PHTF2: variants seen among roughly 807,000 people sequenced by gnomAD.
PHTF2 encodes protein PHTF2.
In PHTF2, 60 loss-of-function variants were observed where a neutral mutation model predicts 101.2. The ratio of observed to expected loss-of-function variants is 0.59; its 90% CI spans 0.48 to 0.73. The LOEUF (loss-of-function observed/expected upper bound fraction) is 0.73, where lower values mean the gene tolerates loss of function less well. Among genes scored for constraint, PHTF2 ranks in the 30% least tolerant of loss-of-function variants. The pLI is 0.00. For missense variants in PHTF2, 747 were observed against 908.7 expected, an observed-to-expected ratio of 0.82 and a Z score of 2.29; for synonymous variants, 311 against 307.3, an observed-to-expected ratio of 1.01 and a Z score of -0.13.
intron 3 of PHTF2, among the ~76,000 whole-genome samples, chr7:77,863,797 T>G (rs1309360457): frequency 1.3e-5 from 2 of 151,480 alleles, no homozygotes; most frequent in African/African-American, 2.4e-5. Flanking sequence ...GTTTTTTTTT[T>G]TTTTTGGAAG....
intron 1 of PHTF2, among the ~76,000 whole-genome samples, chr7:77,803,370 T>A (rs915052947): frequency 6.6e-6 from 1 of 152,200 alleles, no homozygotes; most frequent in Non-Finnish European, 1.5e-5. Context: ...GTTGCATGAA[T>A]GAAAGTACTT....
At position 77,954,842 on chromosome 7, in the gene PHTF2, A is replaced by T. The variant is rs1419091926; in HGVS notation, c.2338-16A>T. Reference sequence around the variant, plus strand: ...TTAAAACTGGCTTGTCACCACTTCTATTTTTTTTTTTCTAGCTATGGAAGA... The same window carrying T: ...TTAAAACTGGCTTGTCACCACTTCTTTTTTTTTTTTTCTAGCTATGGAAGA... On this transcript the variant is annotated splice_polypyrimidine_tract_variant and intron_variant, in intron 19 of 19. Coordinates refer to ENST00000416283, the Ensembl canonical transcript of PHTF2. 46 of 1,214,414 alleles carry T rather than the reference A, an allele frequency of 3.8e-5. No homozygotes were observed. Among genetic ancestry groups the T allele is most frequent in the Non-Finnish European group, 4.7e-5 (41 of 872,710 alleles). 75.2% of individuals were successfully genotyped at this position (1,214,414 alleles called of 1,614,324 possible).
intron 7 of PHTF2, among the ~76,000 whole-genome samples, chr7:77,905,395 AT>A (rs1230045404): frequency 6.6e-6 from 1 of 151,636 alleles, no homozygotes; most frequent in Non-Finnish European, 1.5e-5. Flanking sequence ...CCAGCTAATT[AT>A]TTTTATTTTT....
chr7:77,803,970 A>G (rs1419049685), intron 1 of PHTF2, among the ~76,000 whole-genome samples: 2 of 152,194 alleles, frequency 1.3e-5, no homozygotes, highest in Non-Finnish European at 2.9e-5. Context: ...TGGAAATGAC[A>G]ATGAAAAAAA....
In PHTF2 at chr7:77,954,842, A is replaced by AT. The variant is rs59882937; in HGVS notation, c.2338-5dup. On this transcript the variant is annotated splice_polypyrimidine_tract_variant and intron_variant, in intron 19 of 19. Transcript: ENST00000416283. Reference sequence around the variant, plus strand: ...TTAAAACTGGCTTGTCACCACTTCTATTTTTTTTTTTCTAGCTATGGAAGA... The same window carrying AT: ...TTAAAACTGGCTTGTCACCACTTCTATTTTTTTTTTTTCTAGCTATGGAAGA... 0.13 allele frequency: 144,389 copies of AT among 1,117,348 alleles called. 2,578 individuals are homozygous for AT. Among genetic ancestry groups the AT allele is most frequent in the African/African-American group, 0.26 (16,180 of 62,970 alleles). 69.2% of individuals were successfully genotyped at this position (1,117,348 alleles called of 1,614,324 possible).
At chr7:77,833,078 A>G (rs1562854877) in intron 1 of PHTF2, among the ~76,000 whole-genome samples, 1 of 152,210 alleles carries the variant, frequency 6.6e-6, no homozygotes, top group Non-Finnish European at 1.5e-5. Flanking sequence ...TACTGCAGTA[A>G]CTGAAATGTG....
At chr7:77,806,213 A>G (rs948465036) in intron 1 of PHTF2, among the ~76,000 whole-genome samples, 2 of 150,990 alleles carry the variant, frequency 1.3e-5, no homozygotes, top group African/African-American at 4.9e-5. Context: ...TTGTTCTTCT[A>G]TATATCCTTG....
At chr7:77,933,710 T>A (rs1804820447) in intron 12 of PHTF2, among the ~76,000 whole-genome samples, 1 of 139,678 alleles carries the variant, frequency 7.2e-6, no homozygotes, top group Admixed American at 6.9e-5. Flanking sequence ...AGGGACCATG[T>A]GTTTTTTTTT....
intron 3 of PHTF2, among the ~76,000 whole-genome samples, chr7:77,855,647 A>G (rs949182175): frequency 6.6e-6 from 1 of 152,136 alleles, no homozygotes; most frequent in Admixed American, 6.5e-5. Context: ...GCCGGAACGC[A>G]GTTTCTGACT....
chr7:77,830,580 A>G (rs575329675), intron 1 of PHTF2, among the ~76,000 whole-genome samples: 8 of 151,796 alleles, frequency 5.3e-5, no homozygotes, highest in African/African-American at 1.7e-4. Flanking sequence ...TCTCGGTTGC[A>G]TGCTTCTTAT....
At chr7:77,852,607 A>G (rs770819320) in intron 2 of PHTF2, among the ~76,000 whole-genome samples, 1 of 152,178 alleles carries the variant, frequency 6.6e-6, no homozygotes, top group Non-Finnish European at 1.5e-5. Flanking sequence ...TCTACTCAAT[A>G]TGTGAGTGGT....
intron 5 of PHTF2, among the ~76,000 whole-genome samples, chr7:77,898,991 G>A (rs536536615): frequency 5.3e-5 from 8 of 151,972 alleles, no homozygotes; most frequent in Non-Finnish European, 1.2e-4. Flanking sequence ...TAGTAGAGAC[G>A]GGGTTTCACC....
At chr7:77,895,041 A>G in intron 5 of PHTF2, 1 of 370,254 alleles carries the variant, frequency 2.7e-6, no homozygotes, top group Non-Finnish European at 5.3e-6. Flanking sequence ...TTTAAGCAGA[A>G]GATTATATTT....
chr7:77,903,026 C>G (rs1801539456), intron 7 of PHTF2, among the ~76,000 whole-genome samples: 1 of 152,064 alleles, frequency 6.6e-6, no homozygotes, highest in Admixed American at 6.5e-5. Flanking sequence ...TACCCATCAT[C>G]TTGCCTTTAA....
In PHTF2 at chr7:77,847,295, A is replaced by G. The variant is rs146086635; in HGVS notation, c.45+6995A>G. 4.6e-5 allele frequency among the ~76,000 whole-genome samples: 7 copies of G among 152,356 alleles called. No individual in the cohort carries two copies. In the East Asian group the frequency reaches 1.3e-3, roughly 29 times the overall value. On this transcript the variant is annotated intron_variant, in intron 2 of 19. Coordinates refer to ENST00000416283, the Ensembl canonical transcript of PHTF2. ...CAAAAAGAAGTACTGAACCATAGAC[A>G]AATGCGCTTATTACATTTTCACTTT...
chr7:77,895,152 G>C (rs966592609), intron 5 of PHTF2: 3 of 455,942 alleles, frequency 6.6e-6, no homozygotes, highest in Non-Finnish European at 1.3e-5. Context: ...ACTTGGGAGG[G>C]ACATTTGAGA....
chr7:77,819,526 G>A (rs191624532), intron 1 of PHTF2, among the ~76,000 whole-genome samples: 1 of 152,296 alleles, frequency 6.6e-6, no homozygotes, highest in African/African-American at 2.4e-5. Flanking sequence ...TTGGTGTGAT[G>A]TATGATGTTT....
chr7:77,880,684 C>T (rs1018762121), intron 3 of PHTF2, among the ~76,000 whole-genome samples: 1 of 152,182 alleles, frequency 6.6e-6, no homozygotes, highest in Non-Finnish European at 1.5e-5. Context: ...CAGGCTCTCT[C>T]CACTGTAGCT....
At chr7:77,922,739 T>C in exon 11 of PHTF2, 2 of 1,606,784 alleles carry the variant, frequency 1.2e-6, no homozygotes, top group Middle Eastern at 1.7e-4. Context: ...TTCTTCGGAA[T>C]AGAAAGTCAC....
Sources: gnomAD v4.1 joint callset for allele counts (sites outside exome capture counted in the v4.1 genomes callset) on GRCh38, gnomAD v4.1.1 for gene constraint, MANE v1.5 for transcripts, NCBI Gene and HGNC (gene_info 2026-07-23, HGNC 2026-07-21) for gene names.